SCN11A: variants seen among roughly 807,000 people sequenced by gnomAD.
The protein encoded by SCN11A is sodium voltage-gated channel alpha subunit 11, also known as sodium channel protein type 11 subunit alpha.
A neutral mutation model predicts 162.2 loss-of-function variants in SCN11A; 122 were observed. The ratio of observed to expected loss-of-function variants is 0.75; its 90% CI spans 0.65 to 0.87. The LOEUF (loss-of-function observed/expected upper bound fraction) is 0.87. SCN11A is among the 40% of genes least tolerant of loss of function. The pLI is 0.00. For synonymous variants in SCN11A, 758 were observed against 751.5 expected (o/e 1.01, Z -0.14); for missense variants, 2,015 against 2,181.6 (o/e 0.92, Z 1.52).
intron 2 of SCN11A, among the ~76,000 whole-genome samples, chr3:39,005,475 A>G (rs2030944348): frequency 6.6e-6 from 1 of 152,212 alleles, no homozygotes; most frequent in East Asian, 1.9e-4. Flanking sequence ...CTGGCTTCGC[A>G]TAATGAGCCC....
At chr3:39,014,203 A>T (rs2031223752) in intron 2 of SCN11A, among the ~76,000 whole-genome samples, 1 of 152,174 alleles carries the variant, frequency 6.6e-6, no homozygotes, top group Non-Finnish European at 1.5e-5. Flanking sequence ...TGCAAGTATT[A>T]AGAGGTGCCC....
In SCN11A at chr3:38,850,146, G is replaced by A. The variant is rs903299244; in HGVS notation, c.4327+335C>T. ...ATAGGGCTTATAGTTGCACAGGAAA[G>A]GTAGAACTTTGACTCAATTATCTGA... On this transcript the variant is annotated intron_variant, in intron 29 of 29. Transcript: ENST00000302328. 3 of 215,550 alleles carry A rather than the reference G, an allele frequency of 1.4e-5. No homozygotes were observed. In the East Asian group the frequency reaches 3.6e-4, roughly 26 times the overall value. 13.4% of individuals were successfully genotyped at this position (215,550 alleles called of 1,614,324 possible).
At chr3:38,965,652 C>T (rs2066777005) in intron 2 of SCN11A, among the ~76,000 whole-genome samples, 1 of 152,234 alleles carries the variant, frequency 6.6e-6, no homozygotes, top group South Asian at 2.1e-4. Flanking sequence ...TCTTCTCACG[C>T]ATTTCCCAAT....
chr3:38,927,411 T>A (rs942670760), intron 7 of SCN11A, among the ~76,000 whole-genome samples: 2 of 152,084 alleles, frequency 1.3e-5, no homozygotes, highest in Admixed American at 1.3e-4. Context: ...TTCAGTGCAA[T>A]CCTTATCAAA....
chr3:38,963,430 TATATATATATATATGATGGAG>T (rs2066759590), intron 2 of SCN11A, among the ~76,000 whole-genome samples: 5 of 85,952 alleles, frequency 5.8e-5, no homozygotes, highest in African/African-American at 1.4e-4. Context: ...TGGAGATATA[TATATATATATATATGATGGAG>T]ATATATATAT....
Position 38,950,043 on chromosome 3 carries a change from T to C in SCN11A, c.267+53A>G, listed in dbSNP as rs904015876. 5.7e-5 allele frequency: 52 copies of C among 919,462 alleles called. 1 individual carries two copies. In the African/African-American group the frequency reaches 8.7e-4, roughly 15 times the overall value. The allele number at this position is 919,462 out of a possible 1,614,324, so 57.0% of individuals were successfully genotyped here. On this transcript the variant is annotated intron_variant, in intron 5 of 29. Transcript: ENST00000302328. ...GAGAACCTGTAACACCAGTTACAAC[T>C]GCATGGTTAGAACACCCCCACCCCC... is the stretch of plus-strand genomic sequence containing the variant.
At chr3:38,939,186 A>G (rs2066402575) in intron 7 of SCN11A, among the ~76,000 whole-genome samples, 1 of 152,094 alleles carries the variant, frequency 6.6e-6, no homozygotes, top group African/African-American at 2.4e-5. Flanking sequence ...AAATACTAAT[A>G]AAATAAAAAT....
chr3:39,040,151 C>G (rs189950923), intron 1 of SCN11A, among the ~76,000 whole-genome samples: 1 of 152,230 alleles, frequency 6.6e-6, no homozygotes, highest in Non-Finnish European at 1.5e-5. Context: ...TGGACACTTA[C>G]CACCAGCAAA....
At chr3:38,977,471 T>C (rs73068602) in intron 2 of SCN11A, among the ~76,000 whole-genome samples, 202 of 152,346 alleles carry the variant, frequency 1.3e-3, no homozygotes, top group Non-Finnish European at 2.4e-3. Context: ...AGTCATGAGG[T>C]TGATACGGGA....
chr3:38,869,542 A>T (rs2065092314), intron 26 of SCN11A, among the ~76,000 whole-genome samples: 1 of 152,180 alleles, frequency 6.6e-6, no homozygotes, highest in Non-Finnish European at 1.5e-5. Flanking sequence ...AGAATTAAGC[A>T]AACTCAGATT....
At chr3:38,968,692 GCA>G (rs993581395) in intron 2 of SCN11A, among the ~76,000 whole-genome samples, 2 of 151,736 alleles carry the variant, frequency 1.3e-5, no homozygotes, top group African/African-American at 4.8e-5. Context: ...ACCCACACAC[GCA>G]CACACATACA....
intron 7 of SCN11A, among the ~76,000 whole-genome samples, chr3:38,945,051 T>G (rs746453231): frequency 4.6e-5 from 7 of 152,148 alleles, no homozygotes; most frequent in Non-Finnish European, 8.8e-5. Flanking sequence ...AAACAAAGAA[T>G]AAGTAAATAC....
chr3:38,984,021 C>A (rs2030148460), intron 2 of SCN11A, among the ~76,000 whole-genome samples: 1 of 152,192 alleles, frequency 6.6e-6, no homozygotes, highest in African/African-American at 2.4e-5. Context: ...ATTTCTAAAT[C>A]TTTTTAGTCC....
Position 38,896,989 on chromosome 3 carries a change from A to G in SCN11A, c.2259T>C (p.Asp753=). The G allele has an allele frequency of 6.2e-7, 1 of 1,614,084 alleles. No individual in the cohort carries two copies. The highest frequency in any genetic ancestry group is 8.5e-7 in the Non-Finnish European group (1 of 1,180,006). The change falls in exon 18 of 30, where the codon GAT becomes GAC. Residue 753 remains aspartate (D), a synonymous_variant. Coordinates refer to ENST00000302328, the MANE Select transcript of SCN11A (RefSeq NM_001349253.2). ...ATACCACTAGGAAGGAGTGCCAGAA[A>G]TCCCCCATGTGCCAGTGCCGTAAAC... ...VSCLRHWHMG[D]FWHSFLVVFR...
chr3:38,855,514 C>T (rs9857724), intron 28 of SCN11A, among the ~76,000 whole-genome samples: 74,873 of 151,836 alleles, frequency 0.49, 18,571 homozygotes, highest in African/African-American at 0.54. Flanking sequence ...GTCAGAATAC[C>T]TCCCCTGGCC....
At chr3:39,051,748 C>A (rs544924245) in intron 1 of SCN11A, among the ~76,000 whole-genome samples, 113 bp downstream of exon 1, 1 of 152,228 alleles carries the variant, frequency 6.6e-6, no homozygotes, top group South Asian at 2.1e-4. Context: ...AGAGCGCAAG[C>A]CAGGGTCTAG....
In SCN11A at chr3:38,846,612, G is replaced by T; in HGVS notation, c.*82C>A. 2 of 1,061,568 alleles carry T rather than the reference G, an allele frequency of 1.9e-6. No individual in the cohort carries two copies. Among genetic ancestry groups the T allele is most frequent in the Non-Finnish European group, 2.8e-6 (2 of 708,760 alleles). 65.8% of individuals were successfully genotyped at this position (1,061,568 alleles called of 1,614,324 possible). ...TAATTTGGTGAATCCACTCCCTGTTGATACACTAAGCTGCTGACCCCTGGA... is the reference window on the plus strand; with the variant it reads ...TAATTTGGTGAATCCACTCCCTGTTTATACACTAAGCTGCTGACCCCTGGA... On this transcript the variant is annotated 3_prime_UTR_variant, in exon 30 of 30. Coordinates refer to ENST00000302328, the MANE Select transcript of SCN11A (RefSeq NM_001349253.2).
Position 38,920,034 on chromosome 3 carries a change from T to A in SCN11A, c.893-33A>T, listed in dbSNP as rs59428422. ...AGGAAAAAGTCATAAATTCAGATTT[T>A]AAAAAAAACATTGAAAGGAAAGAGA... On this transcript the variant is annotated intron_variant, in intron 10 of 29. Transcript: ENST00000302328. The A allele has an allele frequency of 9.8e-4, 1,484 of 1,511,024 alleles. 13 individuals carry two copies. In the African/African-American group the frequency reaches 0.017, roughly 17 times the overall value. The allele number at this position is 1,511,024 out of a possible 1,614,324, so 93.6% of individuals were successfully genotyped here.
chr3:38,936,725 T>C (rs577753357), intron 7 of SCN11A, among the ~76,000 whole-genome samples: 3 of 152,018 alleles, frequency 2.0e-5, no homozygotes, highest in African/African-American at 7.3e-5. Context: ...TAAAAGAGGA[T>C]ACAAACAAAT....
Sources: allele counts gnomAD v4.1 joint callset (sites outside exome capture counted in the v4.1 genomes callset), GRCh38; gene constraint gnomAD v4.1.1; transcripts MANE v1.5; gene names NCBI Gene and HGNC (gene_info 2026-07-23, HGNC 2026-07-21).